MBNL2: variants seen among roughly 807,000 people sequenced by gnomAD.
MBNL2 encodes muscleblind like splicing regulator 2, also known as muscleblind-like protein 2.
Under a neutral mutation model 41.9 loss-of-function variants are expected in MBNL2, and 17 were observed. The observed-to-expected ratio is 0.41, with a 90% confidence interval of 0.28 to 0.61. MBNL2 has a LOEUF of 0.61. Among genes scored for constraint, MBNL2 ranks in the 20% least tolerant of loss-of-function variants. The pLI, the probability that MBNL2 is intolerant of heterozygous loss-of-function variation, is 0.35. For missense variants in MBNL2, 336 were observed against 505.6 expected (o/e 0.66, Z 3.22); for synonymous variants, 195 against 182.9 (o/e 1.07, Z -0.53).
At chr13:97,362,061 T>C (rs1384800497) in intron 7 of MBNL2, among the ~76,000 whole-genome samples, 1 of 152,104 alleles carries the variant, frequency 6.6e-6, no homozygotes, top group Non-Finnish European at 1.5e-5. Flanking sequence ...CGTGAGCCAC[T>C]GTGCCCAGCC....
At chr13:97,189,484 T>C in the MBNL2 span, among the ~76,000 whole-genome samples, 1 of 152,182 alleles carries the variant, frequency 6.6e-6, no homozygotes, top group Non-Finnish European at 1.5e-5. Flanking sequence ...AATTCCTCAT[T>C]TGTGTACGGG....
the MBNL2 span, among the ~76,000 whole-genome samples, chr13:97,208,421 A>T: frequency 6.6e-6 from 1 of 152,204 alleles, no homozygotes; most frequent in Non-Finnish European, 1.5e-5. Context: ...GTAGGGCTGG[A>T]ACTTGAGCCT....
chr13:97,206,585 T>C, the MBNL2 span, among the ~76,000 whole-genome samples: 1 of 152,268 alleles, frequency 6.6e-6, no homozygotes, highest in East Asian at 1.9e-4. Context: ...CCCATGAGAA[T>C]TGCTATATCC....
intron 6 of MBNL2, 44 bp downstream of exon 6, chr13:97,356,893 A>T (rs770038102): frequency 1.6e-6 from 2 of 1,247,362 alleles, no homozygotes; most frequent in Non-Finnish European, 1.1e-6. Flanking sequence ...AGCTTTTCAG[A>T]GAACCATCTG....
the MBNL2 span, among the ~76,000 whole-genome samples, chr13:97,207,394 C>G: frequency 6.6e-6 from 1 of 152,156 alleles, no homozygotes; most frequent in Admixed American, 6.6e-5. Context: ...ACTTACAGTT[C>G]CACGTGGCTG....
chr13:97,272,801 TATA>T (rs1181404274), intron 1 of MBNL2, among the ~76,000 whole-genome samples: 11 of 152,382 alleles, frequency 7.2e-5, no homozygotes, highest in African/African-American at 2.6e-4. Flanking sequence ...ATCATTTGTA[TATA>T]ATAATCCTAT....
chr13:97,264,439 A>T (rs745426179), intron 1 of MBNL2, among the ~76,000 whole-genome samples: 1 of 152,154 alleles, frequency 6.6e-6, no homozygotes, highest in Non-Finnish European at 1.5e-5. Context: ...CGTTACATTC[A>T]TTACAGTGCT....
At chr13:97,142,587 C>T in the MBNL2 span, among the ~76,000 whole-genome samples, 5 of 152,226 alleles carry the variant, frequency 3.3e-5, no homozygotes, top group African/African-American at 9.6e-5. Context: ...TCGAAGGAGG[C>T]TTGGAAGAGT....
Position 97,309,523 on chromosome 13 carries a change from G to A in MBNL2, c.175-24753G>A, listed in dbSNP as rs191157566. Among the ~76,000 whole-genome samples, 6 of 152,288 alleles carry A rather than the reference G, an allele frequency of 3.9e-5. No individual in the cohort carries two copies. The East Asian group carries it at 1.2e-3, about 29-fold the overall frequency. ...TCCACAGTCAACAAGAGGGTGCTGG[G>A]ACGGATCTTTTCCTCAGGGCCCTCA... is the stretch of plus-strand genomic sequence containing the variant. On this transcript the variant is annotated intron_variant, in intron 2 of 8. Coordinates refer to ENST00000679496, the MANE Select transcript of MBNL2 (RefSeq NM_001382683.1).
At chr13:97,277,487 T>C (rs544994560) in intron 2 of MBNL2, among the ~76,000 whole-genome samples, 3 of 152,342 alleles carry the variant, frequency 2.0e-5, no homozygotes, top group Middle Eastern at 3.4e-3. Context: ...CCCTAGCCTA[T>C]TCTTGGGTGT....
At chr13:97,201,380 C>G in the MBNL2 span, among the ~76,000 whole-genome samples, 1 of 152,118 alleles carries the variant, frequency 6.6e-6, no homozygotes, top group Admixed American at 6.5e-5. Flanking sequence ...GTTCTTTTCA[C>G]ATATTATTTT....
At chr13:97,253,867 A>AT (rs987630158) in intron 1 of MBNL2, among the ~76,000 whole-genome samples, 72 of 146,914 alleles carry the variant, frequency 4.9e-4, no homozygotes, top group African/African-American at 6.0e-4. Flanking sequence ...AATGTGCTGA[A>AT]TTTTTTTTTT....
At chr13:97,210,571 A>ATTTTTTTTTTTT in the MBNL2 span, among the ~76,000 whole-genome samples, 6 of 65,466 alleles carry the variant, frequency 9.2e-5, 1 homozygote, top group African/African-American at 3.8e-4. Context: ...ACAACTGTGA[A>ATTTTTTTTTTTT]TTTTTTTTTT....
intron 1 of MBNL2, among the ~76,000 whole-genome samples, chr13:97,227,108 G>A (rs2041755216): frequency 6.6e-6 from 1 of 151,620 alleles, no homozygotes; most frequent in Admixed American, 6.6e-5. Flanking sequence ...TAAGTTTTGG[G>A]TTTATTTGTT....
chr13:97,186,242 T>G, the MBNL2 span, among the ~76,000 whole-genome samples: 1 of 152,206 alleles, frequency 6.6e-6, no homozygotes, highest in Admixed American at 6.5e-5. Flanking sequence ...CTACCGTAGA[T>G]GCTTAAGTTC....
chr13:97,369,277 T>C (rs576256537), intron 8 of MBNL2, among the ~76,000 whole-genome samples: 1 of 152,308 alleles, frequency 6.6e-6, no homozygotes, highest in Non-Finnish European at 1.5e-5. Context: ...CCACGTGGAT[T>C]ATGTAAGTCA....
chr13:97,169,055 G>A, the MBNL2 span, among the ~76,000 whole-genome samples: 2 of 152,120 alleles, frequency 1.3e-5, no homozygotes, highest in African/African-American at 4.8e-5. Context: ...CCCCTTTGTC[G>A]CATGGCTTCT....
intron 1 of MBNL2, among the ~76,000 whole-genome samples, chr13:97,248,951 C>A (rs914309996): frequency 6.6e-6 from 1 of 152,142 alleles, no homozygotes; most frequent in Non-Finnish European, 1.5e-5. Context: ...ATTGTCACTC[C>A]ATTCTTTTAT....
the MBNL2 span, among the ~76,000 whole-genome samples, chr13:97,167,680 G>A: frequency 5.3e-5 from 8 of 152,012 alleles, no homozygotes; most frequent in African/African-American, 1.9e-4. Flanking sequence ...TTTAACTAAA[G>A]GTCTCCATTC....
Sources: gnomAD v4.1 joint callset for allele counts (sites outside exome capture counted in the v4.1 genomes callset) on GRCh38, gnomAD v4.1.1 for gene constraint, MANE v1.5 for transcripts, NCBI Gene and HGNC (gene_info 2026-07-23, HGNC 2026-07-21) for gene names.